GRB10: variants seen among roughly 807,000 people sequenced by gnomAD.
GRB10 encodes the protein growth factor receptor-bound protein 10.
In GRB10, 20 loss-of-function variants were observed where a neutral mutation model predicts 80.9. That is an observed-to-expected ratio of 0.25 (90% CI 0.17 to 0.36). The LOEUF (loss-of-function observed/expected upper bound fraction) is 0.36, where lower values mean the gene tolerates loss of function less well. GRB10 is among the 10% of genes least tolerant of loss of function. The pLI, the probability that GRB10 is intolerant of heterozygous loss-of-function variation, is 1.00. For missense variants in GRB10, 548 were observed against 747.7 expected (o/e 0.73, Z 3.12); for synonymous variants, 291 against 291.5 (o/e 1.00, Z 0.02).
intron 7 of GRB10, among the ~76,000 whole-genome samples, chr7:50,664,733 C>T (rs2059623639): frequency 1.3e-5 from 2 of 152,162 alleles, no homozygotes; most frequent in South Asian, 2.1e-4. Context: ...CCAACTAGAC[C>T]GTGAGCCCAG....
In GRB10 at chr7:50,713,588, C is replaced by T. The variant is rs565105238; in HGVS notation, c.52-9680G>A. Among the ~76,000 whole-genome samples the T allele has an allele frequency of 6.7e-5, 10 of 149,712 alleles. No individual in the cohort carries two copies. The East Asian group carries it at 2.0e-3, about 30-fold the overall frequency. ...TCCACCATCTCCATCCTCACCTCCA[C>T]CTCCTCTACCATCTCCACCATCACC... On this transcript the variant is annotated intron_variant, in intron 4 of 18. Coordinates refer to ENST00000401949, the MANE Select transcript of GRB10 (RefSeq NM_001350814.2).
At chr7:50,623,110 A>G (rs1320078645) in intron 8 of GRB10, among the ~76,000 whole-genome samples, 1 of 152,176 alleles carries the variant, frequency 6.6e-6, no homozygotes, top group Admixed American at 6.5e-5. Context: ...GGATGGGGAC[A>G]CCTTCCAAAA....
intron 7 of GRB10, among the ~76,000 whole-genome samples, chr7:50,638,669 T>G (rs1197008287): frequency 6.6e-6 from 1 of 152,200 alleles, no homozygotes; most frequent in East Asian, 1.9e-4. Context: ...ACAACCTGTA[T>G]GGAAAACAGT....
At chr7:50,750,505 A>C (rs531676593) in intron 3 of GRB10, among the ~76,000 whole-genome samples, 1 of 152,340 alleles carries the variant, frequency 6.6e-6, no homozygotes, top group East Asian at 1.9e-4. Flanking sequence ...GTTCAATAGA[A>C]GCTCCAATGA....
At chr7:50,761,888 C>G (rs1321254969) in intron 2 of GRB10, 2 of 152,164 alleles carry the variant, frequency 1.3e-5, no homozygotes, top group Non-Finnish European at 2.9e-5. Flanking sequence ...CACCTCCCCC[C>G]ACTTCTCTTC....
Position 50,612,721 on chromosome 7 carries a change from A to G in GRB10, c.1194+20T>C. The G allele has an allele frequency of 6.3e-7, 1 of 1,580,006 alleles. No homozygotes were observed. Among genetic ancestry groups the G allele is most frequent in the Admixed American group, 1.7e-5 (1 of 59,956 alleles). On this transcript the variant is annotated intron_variant, in intron 13 of 18. Transcript: ENST00000401949. Reference sequence around the variant, plus strand: ...CACGAAGAGATGTGCACTCAACACAAACCGCAAGATGTCACATACCTTGAG... The same window carrying G: ...CACGAAGAGATGTGCACTCAACACAGACCGCAAGATGTCACATACCTTGAG...
intron 5 of GRB10, among the ~76,000 whole-genome samples, chr7:50,682,955 T>C (rs2061704934): frequency 6.6e-6 from 1 of 152,216 alleles, no homozygotes; most frequent in Non-Finnish European, 1.5e-5. Flanking sequence ...TTTGTTCTAT[T>C]TTTAAAAAGT....
intron 3 of GRB10, among the ~76,000 whole-genome samples, chr7:50,753,001 T>C (rs773295172): frequency 3.3e-5 from 5 of 152,122 alleles, no homozygotes; most frequent in Non-Finnish European, 5.9e-5. Flanking sequence ...TTTCTGCCTC[T>C]CCCTCCTTGA....
chr7:50,784,596 T>C (rs2078612072), upstream of GRB10, among the ~76,000 whole-genome samples: 1 of 152,220 alleles, frequency 6.6e-6, no homozygotes, highest in African/African-American at 2.4e-5. Context: ...CAGCTGTTCC[T>C]GGATGTGGGA....
chr7:50,751,066 C>T (rs192266199), intron 3 of GRB10, among the ~76,000 whole-genome samples: 4 of 152,226 alleles, frequency 2.6e-5, no homozygotes, highest in South Asian at 4.2e-4. Flanking sequence ...CCACAGGGAC[C>T]GAGAGCTCAC....
chr7:50,738,640 A>G (rs2071212393), intron 3 of GRB10, among the ~76,000 whole-genome samples: 1 of 152,242 alleles, frequency 6.6e-6, no homozygotes, highest in South Asian at 2.1e-4. Flanking sequence ...ACAGTTATAC[A>G]ACTGGATCAT....
At chr7:50,720,737 A>C (rs572581435) in intron 4 of GRB10, among the ~76,000 whole-genome samples, 18 of 152,324 alleles carry the variant, frequency 1.2e-4, no homozygotes, top group African/African-American at 3.8e-4. Flanking sequence ...GCTTTTAATA[A>C]AAGGAATAAT....
At chr7:50,725,838 A>G (rs190908845) in intron 4 of GRB10, among the ~76,000 whole-genome samples, 21 of 152,324 alleles carry the variant, frequency 1.4e-4, no homozygotes, top group Admixed American at 2.6e-4. Context: ...AAATCTTATG[A>G]AAAAGATAAT....
In GRB10 at chr7:50,701,658, G is replaced by T. The variant is rs76438504; in HGVS notation, c.139+2163C>A. ...GTGACACATTTTTTTCTCAATCTTT[G>T]CCTGAGAAAGCTTTATTTGGCCTTC... On this transcript the variant is annotated intron_variant, in intron 5 of 18. Coordinates refer to ENST00000401949, the MANE Select transcript of GRB10 (RefSeq NM_001350814.2). 1.2e-3 allele frequency among the ~76,000 whole-genome samples: 185 copies of T among 152,232 alleles called. 4 individuals carry two copies. The East Asian group carries it at 0.027, about 22-fold the overall frequency.
chr7:50,612,892 G>T, intron 12 of GRB10, 53 bp from the exon 13 acceptor site: 2 of 1,241,544 alleles, frequency 1.6e-6, no homozygotes, highest in Non-Finnish European at 2.4e-6. Flanking sequence ...GTCAGAAACA[G>T]CTTCTGTCAA....
intron 7 of GRB10, among the ~76,000 whole-genome samples, chr7:50,631,004 A>G (rs2053890583): frequency 6.6e-6 from 1 of 152,162 alleles, no homozygotes; most frequent in Non-Finnish European, 1.5e-5. Context: ...TTGAAGGTAG[A>G]TCATTATATC....
At chr7:50,620,233 G>C (rs1400834523) in intron 8 of GRB10, among the ~76,000 whole-genome samples, 1 of 152,204 alleles carries the variant, frequency 6.6e-6, no homozygotes, top group Non-Finnish European at 1.5e-5. Context: ...CAGGGTCAAA[G>C]TGTGAAGTGA....
At chr7:50,636,141 C>T (rs1271197949) in intron 7 of GRB10, among the ~76,000 whole-genome samples, 1 of 151,954 alleles carries the variant, frequency 6.6e-6, no homozygotes, top group Non-Finnish European at 1.5e-5. Context: ...CCACACCTGG[C>T]TAATTTTTGT....
intron 2 of GRB10, among the ~76,000 whole-genome samples, chr7:50,763,848 G>A (rs539182385): frequency 6.6e-6 from 1 of 152,332 alleles, no homozygotes; most frequent in South Asian, 2.1e-4. Context: ...CTGTCTCTAA[G>A]CATCCTCACT....
Sources: gnomAD v4.1 joint callset for allele counts (sites outside exome capture counted in the v4.1 genomes callset) on GRCh38, gnomAD v4.1.1 for gene constraint, MANE v1.5 for transcripts, NCBI Gene and HGNC (gene_info 2026-07-23, HGNC 2026-07-21) for gene names.